The following MECOM variants were observed in gnomAD, a reference collection of about 807,000 sequenced individuals.
MECOM encodes the protein histone-lysine N-methyltransferase MECOM.
In MECOM, 13 loss-of-function variants were observed where a neutral mutation model predicts 116.3. The ratio of observed to expected loss-of-function variants is 0.11; its 90% CI spans 0.07 to 0.18. The LOEUF (loss-of-function observed/expected upper bound fraction) is 0.18. Among genes scored for constraint, MECOM ranks in the 10% least tolerant of loss-of-function variants. MECOM has a pLI of 1.00. For missense variants in MECOM, 1,299 were observed against 1,509.0 expected, an observed-to-expected ratio of 0.86 and a Z score of 2.31; for synonymous variants, 528 against 535.2, an observed-to-expected ratio of 0.99 and a Z score of 0.19.
At chr3:169,216,593 G>T (rs1318716335) in intron 2 of MECOM, among the ~76,000 whole-genome samples, 3 of 139,552 alleles carry the variant, frequency 2.1e-5, no homozygotes, top group East Asian at 2.0e-4. Flanking sequence ...AAAAAAAAAA[G>T]TACACTATAG....
chr3:169,615,447 T>C (rs995155251), intron 1 of MECOM, among the ~76,000 whole-genome samples: 21 of 152,228 alleles, frequency 1.4e-4, no homozygotes, highest in African/African-American at 4.6e-4. Context: ...ACTTATATAT[T>C]AGTAGTAAAA....
intron 1 of MECOM, among the ~76,000 whole-genome samples, chr3:169,536,301 G>C (rs370574660): frequency 6.7e-6 from 1 of 149,770 alleles, no homozygotes; most frequent in Non-Finnish European, 1.5e-5. Context: ...ACCATATCTG[G>C]TGTAAAAGTT....
Position 169,182,182 on chromosome 3 carries a change from T to C in MECOM, c.376-38350A>G, listed in dbSNP as rs145633223. ...GAAAGGCGTTTGGCAGGGTGTAATA[T>C]AAAATAGAGCTGCCAAGGCTAACAG... On this transcript the variant is annotated intron_variant, in intron 2 of 16. Coordinates refer to ENST00000651503, the MANE Select transcript of MECOM (RefSeq NM_004991.4). Among the ~76,000 whole-genome samples the C allele has an allele frequency of 6.4e-3, 976 of 152,302 alleles. 11 individuals carry two copies. Among genetic ancestry groups the C allele is most frequent in the African/African-American group, 0.021 (870 of 41,560 alleles).
intron 1 of MECOM, among the ~76,000 whole-genome samples, chr3:169,608,545 C>T (rs1279979650): frequency 6.6e-6 from 1 of 152,112 alleles, no homozygotes; most frequent in Non-Finnish European, 1.5e-5. Flanking sequence ...TCACACATAC[C>T]ATCCTCCCTC....
chr3:169,606,002 A>G (rs977522701), intron 1 of MECOM, among the ~76,000 whole-genome samples: 6 of 152,200 alleles, frequency 3.9e-5, no homozygotes, highest in African/African-American at 9.7e-5. Flanking sequence ...CAAGCAGGTG[A>G]AAGTTGACTG....
At chr3:169,473,011 T>C in intron 1 of MECOM, 1 of 978,416 alleles carries the variant, frequency 1.0e-6, no homozygotes, top group Non-Finnish European at 1.2e-6. Context: ...ATGTCAAAGA[T>C]TTTTAAATCA....
intron 1 of MECOM, among the ~76,000 whole-genome samples, chr3:169,469,018 G>A (rs1025820700): frequency 6.6e-5 from 10 of 152,170 alleles, no homozygotes; most frequent in Non-Finnish European, 8.8e-5. Flanking sequence ...CTAGGGCAGC[G>A]TAAGTCACAT....
At chr3:169,111,811 G>C (rs1469198409) in intron 9 of MECOM, among the ~76,000 whole-genome samples, 4 of 151,604 alleles carry the variant, frequency 2.6e-5, no homozygotes, top group Non-Finnish European at 5.9e-5. Flanking sequence ...TAACAGAAAG[G>C]AAAAGGAAAA....
At chr3:169,366,084 C>G (rs919169484) in intron 2 of MECOM, among the ~76,000 whole-genome samples, 3 of 152,026 alleles carry the variant, frequency 2.0e-5, no homozygotes, top group East Asian at 3.9e-4. Context: ...TTCTCTCAAA[C>G]AGTGTTACTG....
chr3:169,267,072 T>G (rs776794337), intron 2 of MECOM, among the ~76,000 whole-genome samples: 1 of 152,224 alleles, frequency 6.6e-6, no homozygotes, highest in Non-Finnish European at 1.5e-5. Context: ...GTTCTTTAGC[T>G]TTCTCTTGCT....
chr3:169,423,435 T>G (rs1214295088), intron 1 of MECOM, among the ~76,000 whole-genome samples: 2 of 152,134 alleles, frequency 1.3e-5, no homozygotes, highest in African/African-American at 4.8e-5. Flanking sequence ...TTTCAAGTTT[T>G]CCGATCACCT....
At chr3:169,102,892 G>T (rs1394385503) in intron 10 of MECOM, among the ~76,000 whole-genome samples, 1 of 151,904 alleles carries the variant, frequency 6.6e-6, no homozygotes, top group Non-Finnish European at 1.5e-5. Flanking sequence ...TTCATCATAT[G>T]TTAATATAAT....
intron 2 of MECOM, among the ~76,000 whole-genome samples, chr3:169,172,050 AAC>A (rs1028368538): frequency 3.9e-5 from 6 of 152,154 alleles, no homozygotes; most frequent in Non-Finnish European, 8.8e-5. Context: ...ATGTAGAAAG[AAC>A]TGAGGAATAA....
chr3:169,643,093 T>C (rs762295860), intron 1 of MECOM, among the ~76,000 whole-genome samples: 48 of 152,338 alleles, frequency 3.2e-4, no homozygotes, highest in Non-Finnish European at 4.7e-4. Flanking sequence ...AATTTAGCCT[T>C]TCTTCTAGTG....
chr3:169,138,490 A>C (rs1281513593), intron 3 of MECOM, among the ~76,000 whole-genome samples: 1 of 152,184 alleles, frequency 6.6e-6, no homozygotes, highest in East Asian at 1.9e-4. Context: ...TCAGCCAGAC[A>C]ACATCCCCCC....
chr3:169,120,660 G>A (rs147363149), intron 7 of MECOM, among the ~76,000 whole-genome samples: 7 of 152,238 alleles, frequency 4.6e-5, no homozygotes, highest in Non-Finnish European at 1.0e-4. Flanking sequence ...AGCTCTTTCT[G>A]ATCCAGAACA....
intron 1 of MECOM, among the ~76,000 whole-genome samples, chr3:169,606,861 A>G (rs1164851628): frequency 6.6e-6 from 1 of 152,204 alleles, no homozygotes; most frequent in African/African-American, 2.4e-5. Context: ...TTTAAACATA[A>G]TTCTGTTCAC....
At chr3:169,107,004 G>C (rs975484670) in intron 10 of MECOM, among the ~76,000 whole-genome samples, 36 of 152,010 alleles carry the variant, frequency 2.4e-4, no homozygotes, top group Admixed American at 2.2e-3. Flanking sequence ...CCACAAAAGA[G>C]ATAAAATGAA....
At chr3:169,183,352 T>C (rs760660500) in intron 2 of MECOM, among the ~76,000 whole-genome samples, 2 of 152,200 alleles carry the variant, frequency 1.3e-5, no homozygotes, top group Non-Finnish European at 2.9e-5. Context: ...TCTCATCCCA[T>C]TAATTCAGCA....
Sources: allele counts gnomAD v4.1 joint callset (sites outside exome capture counted in the v4.1 genomes callset), GRCh38; gene constraint gnomAD v4.1.1; transcripts MANE v1.5; gene names NCBI Gene and HGNC (gene_info 2026-07-23, HGNC 2026-07-21).